The following STT3B variants were observed in gnomAD, a reference collection of about 807,000 sequenced individuals.
STT3B encodes the protein STT3 oligosaccharyltransferase complex catalytic subunit B.
In STT3B, 29 loss-of-function variants were observed where a neutral mutation model predicts 96.8. That is an observed-to-expected ratio of 0.30 (90% CI 0.22 to 0.41). The LOEUF (loss-of-function observed/expected upper bound fraction) is 0.41. Ranked by LOEUF, STT3B falls within the 10% of genes least tolerant of loss-of-function variation. The pLI is 1.00. For synonymous variants in STT3B, 367 were observed against 360.0 expected, an observed-to-expected ratio of 1.02 and a Z score of -0.22; for missense variants, 640 against 1,022.3, an observed-to-expected ratio of 0.63 and a Z score of 5.10.
intron 5 of STT3B, among the ~76,000 whole-genome samples, chr3:31,614,575 A>G (rs1462861610): frequency 6.6e-6 from 1 of 151,960 alleles, no homozygotes; most frequent in African/African-American, 2.4e-5. Context: ...CTTTAATTAC[A>G]GAAAACTTGG....
At chr3:31,599,435 C>T (rs1007381569) in intron 4 of STT3B, among the ~76,000 whole-genome samples, 1 of 152,138 alleles carries the variant, frequency 6.6e-6, no homozygotes, top group Non-Finnish European at 1.5e-5. Context: ...ATTAGAATAA[C>T]ATTGTTTTTT....
chr3:31,605,857 T>C (rs1222393773), intron 5 of STT3B, among the ~76,000 whole-genome samples: 1 of 152,194 alleles, frequency 6.6e-6, no homozygotes, highest in African/African-American at 2.4e-5. Context: ...CAGGAAAATG[T>C]GGGAAAGTTT....
chr3:31,542,131 G>C (rs1240256057), intron 1 of STT3B, among the ~76,000 whole-genome samples: 1 of 152,126 alleles, frequency 6.6e-6, no homozygotes, highest in African/African-American at 2.4e-5. Context: ...CAAGAAAGTG[G>C]GTGGGAGAGA....
chr3:31,580,140 T>C (rs1698350778), intron 3 of STT3B, 44 bp downstream of exon 3: 4 of 1,579,076 alleles, frequency 2.5e-6, no homozygotes, highest in Middle Eastern at 2.1e-4. Context: ...ACTCGTGACC[T>C]TTCTCCTGAA....
intron 5 of STT3B, among the ~76,000 whole-genome samples, chr3:31,606,664 G>A (rs1054644640): frequency 2.0e-5 from 3 of 152,224 alleles, no homozygotes; most frequent in African/African-American, 7.2e-5. Context: ...CTGGAGAGGT[G>A]GGGCCCTCAA....
chr3:31,593,330 C>T (rs959833861), intron 3 of STT3B, among the ~76,000 whole-genome samples: 3 of 151,954 alleles, frequency 2.0e-5, no homozygotes, highest in South Asian at 2.1e-4. Flanking sequence ...TCAATCATAT[C>T]GTTACTTCCT....
intron 5 of STT3B, among the ~76,000 whole-genome samples, chr3:31,600,981 G>C (rs1698914524): frequency 6.6e-6 from 1 of 152,062 alleles, no homozygotes; most frequent in African/African-American, 2.4e-5. Flanking sequence ...TTCCATGATA[G>C]AGTTAGAACT....
At chr3:31,558,332 A>G (rs1697773725) in intron 1 of STT3B, among the ~76,000 whole-genome samples, 3 of 152,166 alleles carry the variant, frequency 2.0e-5, no homozygotes, top group African/African-American at 7.2e-5. Context: ...TATGGCGTTT[A>G]TTATTTTGAG....
At chr3:31,587,139 T>A (rs940572222) in intron 3 of STT3B, among the ~76,000 whole-genome samples, 3 of 152,134 alleles carry the variant, frequency 2.0e-5, no homozygotes, top group African/African-American at 7.2e-5. Flanking sequence ...CCCATAAATT[T>A]TTTTATTGAA....
chr3:31,554,704 T>A (rs903246939), intron 1 of STT3B, among the ~76,000 whole-genome samples: 2 of 152,154 alleles, frequency 1.3e-5, no homozygotes, highest in African/African-American at 4.8e-5. Flanking sequence ...TCTGCAAAAC[T>A]TTTATGCACT....
intron 5 of STT3B, among the ~76,000 whole-genome samples, chr3:31,606,380 G>A (rs1032490526): frequency 6.6e-6 from 1 of 152,202 alleles, no homozygotes; most frequent in African/African-American, 2.4e-5. Context: ...GAGGCCTAAA[G>A]GAAAACATGG....
chr3:31,605,689 G>A (rs1368878446), intron 5 of STT3B, among the ~76,000 whole-genome samples: 3 of 152,144 alleles, frequency 2.0e-5, no homozygotes, highest in Admixed American at 2.0e-4. Context: ...CCCAGTTTCA[G>A]GTATGTCTTT....
intron 2 of STT3B, among the ~76,000 whole-genome samples, chr3:31,578,921 T>C (rs921562417): frequency 1.3e-5 from 2 of 152,072 alleles, no homozygotes; most frequent in Non-Finnish European, 2.9e-5. Context: ...GAGGTTGCAG[T>C]TGCAAATTGT....
Position 31,609,016 on chromosome 3 carries a change from G to A in STT3B, c.878-6089G>A, listed in dbSNP as rs188974362. Among the ~76,000 whole-genome samples, 564 of 152,254 alleles carry A rather than the reference G, an allele frequency of 3.7e-3. 5 individuals carry two copies. Among genetic ancestry groups the A allele is most frequent in the African/African-American group, 0.012 (514 of 41,554 alleles). ...TGTAGTCCCAGCTACTCAGGAGGCC[G>A]AGGCAGGAGAGTTGCTTGAACCTGG... On this transcript the variant is annotated intron_variant, in intron 5 of 15. Transcript: ENST00000295770.
intron 9 of STT3B, among the ~76,000 whole-genome samples, chr3:31,621,488 T>A (rs1049714843): frequency 3.3e-5 from 5 of 152,244 alleles, no homozygotes; most frequent in African/African-American, 1.2e-4. Context: ...GGAGCTCACA[T>A]GACTCACTGA....
chr3:31,573,671 T>G (rs1265051971), intron 1 of STT3B, among the ~76,000 whole-genome samples: 5 of 151,992 alleles, frequency 3.3e-5, no homozygotes, highest in African/African-American at 1.2e-4. Flanking sequence ...GAATGTGGAG[T>G]CTGAGATGCA....
At chr3:31,575,452 A>G (rs1334066325) in intron 1 of STT3B, among the ~76,000 whole-genome samples, 1 of 151,524 alleles carries the variant, frequency 6.6e-6, no homozygotes, top group South Asian at 2.1e-4. Flanking sequence ...CTTTTGTCAA[A>G]TGCTTGATTT....
intron 1 of STT3B, among the ~76,000 whole-genome samples, chr3:31,561,816 G>A (rs182122375): frequency 1.7e-3 from 257 of 152,152 alleles, no homozygotes; most frequent in Middle Eastern, 0.014. Flanking sequence ...ATATATGTAT[G>A]GTGTTGGTTG....
At chr3:31,578,556 T>G (rs928521053) in intron 2 of STT3B, among the ~76,000 whole-genome samples, 5 of 150,328 alleles carry the variant, frequency 3.3e-5, no homozygotes, top group African/African-American at 1.2e-4. Flanking sequence ...TAAATTCACT[T>G]TGTTTTTTTT....
Sources: allele counts gnomAD v4.1 joint callset (sites outside exome capture counted in the v4.1 genomes callset), GRCh38; gene constraint gnomAD v4.1.1; transcripts MANE v1.5; gene names NCBI Gene and HGNC (gene_info 2026-07-23, HGNC 2026-07-21).